The following ZFAT variants were observed in gnomAD, a reference collection of about 807,000 sequenced individuals.
ZFAT encodes the protein zinc finger protein ZFAT.
Under a neutral mutation model 117.7 loss-of-function variants are expected in ZFAT, and 64 were observed. That is an observed-to-expected ratio of 0.54 (90% confidence interval 0.44 to 0.67). The LOEUF (loss-of-function observed/expected upper bound fraction) is 0.67, where lower values mean the gene tolerates loss of function less well. Among genes scored for constraint, ZFAT ranks in the 30% least tolerant of loss-of-function variants. The pLI is 0.00. For missense variants in ZFAT, 1,433 were observed against 1,584.5 expected (o/e 0.90, Z 1.62); for synonymous variants, 679 against 615.0 (o/e 1.10, Z -1.54).
intron 10 of ZFAT, among the ~76,000 whole-genome samples, chr8:134,576,120 C>T (rs2034015): frequency 0.09 from 13,650 of 152,272 alleles, 830 homozygotes; most frequent in Non-Finnish European, 0.13. Context: ...CTGTGCCAGA[C>T]ATTTGCAGCT....
At chr8:134,684,594 G>A (rs562012845) in intron 1 of ZFAT, among the ~76,000 whole-genome samples, 1 of 152,290 alleles carries the variant, frequency 6.6e-6, no homozygotes, top group South Asian at 2.1e-4. Context: ...TTAGATGTTT[G>A]ACTGGACAGG....
At chr8:134,486,077 A>G (rs570855897) in intron 15 of ZFAT, among the ~76,000 whole-genome samples, 6 of 152,350 alleles carry the variant, frequency 3.9e-5, no homozygotes, top group South Asian at 2.1e-4. Context: ...CAACACATAA[A>G]TAAGTGATGA....
the ZFAT span, among the ~76,000 whole-genome samples, chr8:134,743,713 A>T: frequency 6.6e-6 from 1 of 152,062 alleles, no homozygotes; most frequent in Non-Finnish European, 1.5e-5. Flanking sequence ...GGAGGGGAAG[A>T]GGGGGTTTGG....
intron 15 of ZFAT, among the ~76,000 whole-genome samples, chr8:134,483,129 T>C (rs1053945308): frequency 2.0e-5 from 3 of 152,190 alleles, no homozygotes; most frequent in Admixed American, 2.0e-4. Flanking sequence ...TTTATGCAGT[T>C]TTTACAAACC....
Position 134,649,204 on chromosome 8 carries a change from C to A in ZFAT, c.196+8357G>T, listed in dbSNP as rs993411295. On this transcript the variant is annotated intron_variant, in intron 2 of 15. Transcript: ENST00000377838. ...ACACACACACACACACACACACACC[C>A]CATCATACTTAATGGTAAAAGACTG... is the stretch of plus-strand genomic sequence containing the variant. Among the ~76,000 whole-genome samples, 1,306 of 147,770 alleles carry A rather than the reference C, an allele frequency of 8.8e-3. 20 individuals are homozygous for A. The highest frequency in any genetic ancestry group is 0.029 in the African/African-American group (1,149 of 40,088).
chr8:134,491,664 T>G (rs1277686721), intron 15 of ZFAT, among the ~76,000 whole-genome samples: 1 of 152,240 alleles, frequency 6.6e-6, no homozygotes, highest in African/African-American at 2.4e-5. Flanking sequence ...CGACATTTGG[T>G]GGAGTCTTTC....
chr8:134,558,717 G>T (rs973149657), intron 11 of ZFAT, among the ~76,000 whole-genome samples: 2 of 152,082 alleles, frequency 1.3e-5, no homozygotes, highest in African/African-American at 4.8e-5. Flanking sequence ...AGATAGGGGA[G>T]GAAACAAGAG....
the ZFAT span, among the ~76,000 whole-genome samples, chr8:134,768,191 C>T: frequency 2.6e-5 from 4 of 152,150 alleles, no homozygotes; most frequent in African/African-American, 4.8e-5. Flanking sequence ...CGCTTCATGC[C>T]TCTGTGTTGC....
chr8:134,777,985 A>C, the ZFAT span, among the ~76,000 whole-genome samples: 1 of 152,166 alleles, frequency 6.6e-6, no homozygotes, highest in Admixed American at 6.5e-5. Context: ...TCACTGTTTA[A>C]AAGAAAAAAA....
chr8:134,553,000 C>T (rs1034783297), intron 11 of ZFAT, among the ~76,000 whole-genome samples: 1 of 152,194 alleles, frequency 6.6e-6, no homozygotes, highest in African/African-American at 2.4e-5. Flanking sequence ...GGCCTTGTGG[C>T]ATGTCCTGTG....
At chr8:134,794,154 C>T in the ZFAT span, 1 of 152,158 alleles carries the variant, frequency 6.6e-6, no homozygotes, top group African/African-American at 2.4e-5. Context: ...AAATCACATG[C>T]CAACTTACCA....
chr8:134,623,264 G>T (rs923476044), intron 3 of ZFAT, among the ~76,000 whole-genome samples: 1 of 152,116 alleles, frequency 6.6e-6, no homozygotes, highest in Non-Finnish European at 1.5e-5. Flanking sequence ...CAACCCATCC[G>T]CTTCCTCCTT....
rs747215721 is a variant in ZFAT at position 134,565,330 on chromosome 8, T to C, written c.2976+3A>G. 3.0e-5 allele frequency: 49 copies of C among 1,613,388 alleles called. No homozygotes were observed. The highest frequency in any genetic ancestry group is 4.0e-5 in the Non-Finnish European group (47 of 1,179,794). On this transcript the variant is annotated splice_donor_region_variant and intron_variant, in intron 11 of 15. Transcript: ENST00000377838. Reference sequence around the variant, plus strand: ...TCTGCCTTCTTCTCCAGAGCCCTCTTACCTTGAAGGAGACATGCTGTTCCA... The same window carrying C: ...TCTGCCTTCTTCTCCAGAGCCCTCTCACCTTGAAGGAGACATGCTGTTCCA...
chr8:134,822,049 G>C, the ZFAT span, among the ~76,000 whole-genome samples: 1 of 152,044 alleles, frequency 6.6e-6, no homozygotes, highest in Non-Finnish European at 1.5e-5. Context: ...GAGAAAACCG[G>C]TTTAATCAAA....
intron 2 of ZFAT, among the ~76,000 whole-genome samples, chr8:134,647,985 A>T (rs929047506): frequency 3.3e-5 from 5 of 152,122 alleles, no homozygotes; most frequent in African/African-American, 1.2e-4. Context: ...ACTATAACTA[A>T]CAACACTGTA....
intron 15 of ZFAT, among the ~76,000 whole-genome samples, chr8:134,483,698 C>A (rs1181544611): frequency 6.6e-6 from 1 of 152,150 alleles, no homozygotes; most frequent in Non-Finnish European, 1.5e-5. Flanking sequence ...AACCCTTAAC[C>A]CCTGGGACGC....
At chr8:134,726,124 C>A in the ZFAT span, among the ~76,000 whole-genome samples, 8 of 151,944 alleles carry the variant, frequency 5.3e-5, no homozygotes, top group Non-Finnish European at 1.5e-5. Context: ...TATGGGTCCG[C>A]AGCAACGTGA....
intron 2 of ZFAT, among the ~76,000 whole-genome samples, chr8:134,646,277 G>A (rs983446790): frequency 5.3e-5 from 8 of 152,022 alleles, no homozygotes; most frequent in Non-Finnish European, 8.8e-5. Context: ...AGAAATTTGG[G>A]AAATTCAAAA....
chr8:134,772,452 G>A, the ZFAT span, among the ~76,000 whole-genome samples: 30 of 152,264 alleles, frequency 2.0e-4, no homozygotes, highest in African/African-American at 6.7e-4. Context: ...ATCCGCTTAA[G>A]CCAAAGTCTA....
Sources: allele counts gnomAD v4.1 joint callset (sites outside exome capture counted in the v4.1 genomes callset), GRCh38; gene constraint gnomAD v4.1.1; transcripts MANE v1.5; gene names NCBI Gene and HGNC (gene_info 2026-07-23, HGNC 2026-07-21).